The following ARHGAP45 variants were observed in gnomAD, a reference collection of about 807,000 sequenced individuals.
The protein encoded by ARHGAP45 is Rho GTPase activating protein 45, also known as rho GTPase-activating protein 45.
ARHGAP45 carries 56 observed loss-of-function variants against 116.1 expected under a neutral mutation model. The ratio of observed to expected loss-of-function variants is 0.48; its 90% confidence interval spans 0.39 to 0.60. ARHGAP45 has a LOEUF of 0.60. Ranked by LOEUF, ARHGAP45 falls within the 20% of genes least tolerant of loss-of-function variation. ARHGAP45 has a pLI of 0.00. For synonymous variants in ARHGAP45, 866 were observed against 701.7 expected (o/e 1.23, Z -3.70); for missense variants, 1,622 against 1,601.0 (o/e 1.01, Z -0.22).
In ARHGAP45 at chr19:1,081,933, G is replaced by C. The variant is rs1053680066; in HGVS notation, c.2489G>C (p.Ser830Thr). Residue 830 changes from serine to threonine, a missense_variant, in exon 19 of 23, where the codon AGC becomes ACC. Ser to Thr is a moderately conservative substitution (Grantham distance 58, BLOSUM62 1). Transcript: ENST00000313093. ...TCGCAGGCCTCGCCCCACGACATCA[G>C]CAACGTCCTCAAGCTCTACCTGCGT... ...ELSQASPHDISNVLKLYLRQL... is the reference protein window; with the variant it reads ...ELSQASPHDITNVLKLYLRQL... The C allele has an allele frequency of 5.6e-6, 9 of 1,612,364 alleles. No individual in the cohort carries two copies. Among genetic ancestry groups the C allele is most frequent in the African/African-American group, 1.3e-5 (1 of 74,904 alleles).
intron 13 of ARHGAP45, 61 bp downstream of exon 13, chr19:1,080,179 C>T: frequency 7.5e-6 from 12 of 1,610,378 alleles, no homozygotes; most frequent in Non-Finnish European, 1.0e-5. Context: ...GCCGGGCTTC[C>T]CTCTGTCGGG....
In ARHGAP45 at chr19:1,073,553, A is replaced by C; in HGVS notation, c.613A>C (p.Lys205Gln). ...NNDLEKQEFE[K>Q]ALETIAVAFS... ...TGATCTGGAGAAACAGGAGTTCGAGAAGGCCCTGGAGACGATTGCTGTGGC... is the reference window on the plus strand; with the variant it reads ...TGATCTGGAGAAACAGGAGTTCGAGCAGGCCCTGGAGACGATTGCTGTGGC... Residue 205 changes from lysine (K) to glutamine (Q), a missense_variant, in exon 4 of 23, where the codon AAG becomes CAG. By Grantham distance (53) the Lys-to-Gln change is moderately conservative. Around this residue, in one of 3 missense-constraint regions of ARHGAP45, gnomAD observed 279 missense variants for 311.9 expected, o/e 0.89. Transcript: ENST00000313093. 1 of 1,614,018 alleles carries C rather than the reference A, an allele frequency of 6.2e-7. No homozygotes were observed. The highest frequency in any genetic ancestry group is 8.5e-7 in the Non-Finnish European group (1 of 1,179,980).
At chr19:1,083,904 C>T (rs1269656354) in intron 21 of ARHGAP45, among the ~76,000 whole-genome samples, 5 of 152,166 alleles carry the variant, frequency 3.3e-5, no homozygotes, top group Non-Finnish European at 7.3e-5. Context: ...CCACACCCGG[C>T]TAATTTTTGT....
chr19:1,081,559 G>A lies in ARHGAP45; in HGVS notation c.2200G>A (p.Ala734Thr), dbSNP rs895743345. Reference protein sequence around the residue: ...QGAECEECCLACHKKCLETLA... With the variant: ...QGAECEECCLTCHKKCLETLA... ...CTCTGGCCGCCCCCAGTGCTGCCTG[G>A]CCTGCCACAAGAAATGTCTGGAGAC... is the stretch of plus-strand genomic sequence containing the variant. Residue 734 changes from alanine (A) to threonine (T), a missense_variant, in exon 18 of 23, where the codon GCC (alanine) becomes ACC (threonine). Ala to Thr is a moderately conservative substitution (Grantham distance 58). This residue lies in a region of ARHGAP45 where 1,334 missense variants were observed against 1,263.8 expected (regional missense o/e 1.06). Coordinates refer to ENST00000313093, the MANE Select transcript of ARHGAP45 (RefSeq NM_012292.5). The A allele has an allele frequency of 5.4e-6, 8 of 1,475,394 alleles. No individual in the cohort carries two copies. Among genetic ancestry groups the A allele is most frequent in the Non-Finnish European group, 7.2e-6 (8 of 1,110,452 alleles). 91.4% of individuals were successfully genotyped at this position (1,475,394 alleles called of 1,614,324 possible). A position where few individuals can be genotyped will look rare whatever the true frequency, so the allele number is the denominator to read the frequency against.
Position 1,083,190 on chromosome 19 carries a change from G to A in ARHGAP45, c.2792G>A (p.Gly931Asp). The A allele has an allele frequency of 6.2e-7, 1 of 1,611,286 alleles. No homozygotes were observed. Among genetic ancestry groups the A allele is most frequent in the Non-Finnish European group, 8.5e-7 (1 of 1,179,500 alleles). ...AACAAGATGACCCCCGGGAACCTGG[G>A]CATCGTGTTCGGGCCCACGCTGCTT... The part of the protein sequence containing the change: ...QDNKMTPGNL[G>D]IVFGPTLLRP... Residue 931 changes from glycine (G) to aspartate (D), a missense_variant, in exon 21 of 23, where the codon GGC (glycine) becomes GAC (aspartate). Coordinates refer to ENST00000313093, the MANE Select transcript of ARHGAP45 (RefSeq NM_012292.5).
rs957751288 is a variant in ARHGAP45, at chr19:1,079,924, G to A, written c.1513-4G>A. ...ACCCCTCCGCTCTCCGGTGCCGCCC[G>A]CAGGCCACGATCTCCTACTACCAGA... On this transcript the variant is annotated splice_region_variant and splice_polypyrimidine_tract_variant and intron_variant, in intron 12 of 22. Coordinates refer to ENST00000313093, the MANE Select transcript of ARHGAP45 (RefSeq NM_012292.5). The A allele has an allele frequency of 1.0e-5, 16 of 1,603,322 alleles. No homozygotes were observed. Among genetic ancestry groups the A allele is most frequent in the African/African-American group, 4.0e-5 (3 of 74,718 alleles).
In ARHGAP45 at chr19:1,085,992, C is replaced by G. The variant is rs777858522; in HGVS notation, c.3397C>G (p.Pro1133Ala). The G allele has an allele frequency of 1.2e-5, 20 of 1,612,042 alleles. No individual in the cohort carries two copies. Among genetic ancestry groups the G allele is most frequent in the Non-Finnish European group, 1.6e-5 (19 of 1,179,424 alleles). Residue 1133 changes from proline (P) to alanine (A), a missense_variant, in exon 23 of 23, where the codon CCG (proline) becomes GCG (alanine). By Grantham distance (27) the Pro-to-Ala change is conservative (BLOSUM62 -1). Coordinates refer to ENST00000313093, the MANE Select transcript of ARHGAP45 (RefSeq NM_012292.5). ...ACTGGGCTCCTGCAGGGAAAGGCAG[C>G]CGGAATTCGTGTGAGCTGGGGTGGG... The part of the protein sequence containing the change: ...MTLGSCRERQ[P>A]EFV
chr19:1,073,087 G>T, intron 2 of ARHGAP45, 62 bp from the exon 3 acceptor site: 2 of 1,530,142 alleles, frequency 1.3e-6, no homozygotes, highest in Non-Finnish European at 1.7e-6. Flanking sequence ...GAGGGAGGAG[G>T]TGGACAGACT....
At position 1,077,955 on chromosome 19, in the gene ARHGAP45, G is replaced by C. The variant is rs1323321062; in HGVS notation, c.1284G>C (p.Glu428Asp). The C allele has an allele frequency of 6.4e-7, 1 of 1,553,280 alleles. No homozygotes were observed. The highest frequency in any genetic ancestry group is 8.7e-7 in the Non-Finnish European group (1 of 1,147,832). ...KARFLVAKAE[E>D]EQAGSAPGAG... ...GCTTCCTCGTGGCCAAGGCGGAGGAGGAGCAGGCTGGCAGCGCGCCGGGAG... is the reference window on the plus strand; with the variant it reads ...GCTTCCTCGTGGCCAAGGCGGAGGACGAGCAGGCTGGCAGCGCGCCGGGAG... Residue 428 changes from glutamate (E) to aspartate (D), a missense_variant, in exon 11 of 23, where the codon GAG becomes GAC. Physicochemically the swap from Glu to Asp is conservative, Grantham distance 45. Coordinates refer to ENST00000313093, the MANE Select transcript of ARHGAP45 (RefSeq NM_012292.5).
At position 1,079,999 on chromosome 19, in the gene ARHGAP45, T is replaced by C; in HGVS notation, c.1584T>C (p.Cys528=). 1.2e-6 allele frequency: 2 copies of C among 1,612,884 alleles called. No homozygotes were observed. The highest frequency in any genetic ancestry group is 1.7e-6 in the Non-Finnish European group (2 of 1,179,886). Residue 528 remains cysteine, a synonymous_variant, in exon 13 of 23, where the codon TGT becomes TGC. Coordinates refer to ENST00000313093, the MANE Select transcript of ARHGAP45 (RefSeq NM_012292.5). The part of the protein sequence containing the change: ...APLPVHFQML[C]ESSKLYDPGQ... Reference sequence around the variant, plus strand: ...TGCCCGTGCACTTCCAGATGCTGTGTGAGAGCAGCAAGCTGTATGACCCAG... The same window carrying C: ...TGCCCGTGCACTTCCAGATGCTGTGCGAGAGCAGCAAGCTGTATGACCCAG...
chr19:1,078,344 T>C lies in ARHGAP45; in HGVS notation c.1374+299T>C, dbSNP rs548969217. Among the ~76,000 whole-genome samples, 68 of 151,990 alleles carry C rather than the reference T, an allele frequency of 4.5e-4. 1 individual carries two copies. Among genetic ancestry groups the C allele is most frequent in the East Asian group, 1.6e-3 (8 of 5,142 alleles). ...ATTTTTAGTAGAGACGGGGTTTCAC[T>C]GTGTTAGCCAGGATGGTCTCGATCT... On this transcript the variant is annotated intron_variant, in intron 11 of 22. Coordinates refer to ENST00000313093, the MANE Select transcript of ARHGAP45 (RefSeq NM_012292.5).
Position 1,067,346 on chromosome 19 carries a change from G to C in ARHGAP45, c.-60G>C. 1 of 1,482,130 alleles carries C rather than the reference G, an allele frequency of 6.7e-7. No homozygotes were observed. Among genetic ancestry groups the C allele is most frequent in the South Asian group, 1.3e-5 (1 of 74,770 alleles). 91.8% of individuals were successfully genotyped at this position (1,482,130 alleles called of 1,614,324 possible). A position where few individuals can be genotyped will look rare whatever the true frequency, so the allele number is the denominator to read the frequency against. ...ATGTGGTCCCGAAGCGGCCAGCGCCGGGAGCTGCAGCGCTGAGACCCCCAG... is the reference window on the plus strand; with the variant it reads ...ATGTGGTCCCGAAGCGGCCAGCGCCCGGAGCTGCAGCGCTGAGACCCCCAG... On this transcript the variant is annotated 5_prime_UTR_variant, in exon 1 of 23. Transcript: ENST00000313093.
Position 1,082,823 on chromosome 19 carries a change from C to G in ARHGAP45, c.2518-17C>G, listed in dbSNP as rs2145083831. ...GGCCAGGCCCACCAACACCTGCTGACCCTTGACTCTGCGCAGCTTCCCGAG... is the reference window on the plus strand; with the variant it reads ...GGCCAGGCCCACCAACACCTGCTGAGCCTTGACTCTGCGCAGCTTCCCGAG... On this transcript the variant is annotated splice_polypyrimidine_tract_variant and intron_variant, in intron 19 of 22. Coordinates refer to ENST00000313093, the MANE Select transcript of ARHGAP45 (RefSeq NM_012292.5). 2.0e-6 allele frequency: 3 copies of G among 1,478,698 alleles called. No individual in the cohort carries two copies. The South Asian group carries it at 4.2e-5, about 21-fold the overall frequency. 91.6% of individuals were successfully genotyped at this position (1,478,698 alleles called of 1,614,324 possible).
At chr19:1,079,393 G>A (rs1009255711) in intron 11 of ARHGAP45, among the ~76,000 whole-genome samples, 2 of 149,488 alleles carry the variant, frequency 1.3e-5, no homozygotes, top group Non-Finnish European at 3.0e-5. Flanking sequence ...CCTGTAATCC[G>A]TTACTTGGGA....
rs2043386940 is a variant in ARHGAP45 at position 1,080,124 on chromosome 19, G to A, written c.1703+6G>A. 1.9e-6 allele frequency: 3 copies of A among 1,610,886 alleles called. No homozygotes were observed. Among genetic ancestry groups the A allele is most frequent in the Non-Finnish European group, 8.5e-7 (1 of 1,179,002 alleles). On this transcript the variant is annotated splice_donor_region_variant and intron_variant, in intron 13 of 22. Transcript: ENST00000313093. ...CACGTCTCCGCCAACGCCTGGTACC[G>A]CCACCCAGCTGCCCTGTCCCCGGCG...
rs746251617 is a variant in ARHGAP45, at chr19:1,074,174, G to C, written c.861G>C (p.Leu287=). Residue 287 remains leucine, a synonymous_variant, in exon 7 of 23, where the codon CTG becomes CTC. Coordinates refer to ENST00000313093, the MANE Select transcript of ARHGAP45 (RefSeq NM_012292.5). ...RCEGGVDAAL[L]YAKNMAKYMK... ...AGGGGGGCGTGGATGCCGCACTGCT[G>C]TATGCCAAGAACATGGCCAAGTACA... 5.6e-6 allele frequency: 9 copies of C among 1,613,484 alleles called. No homozygotes were observed. The highest frequency in any genetic ancestry group is 7.6e-6 in the Non-Finnish European group (9 of 1,180,008).
intron 2 of ARHGAP45, among the ~76,000 whole-genome samples, chr19:1,070,329 C>CTTTTTTTTTTTTTTTTTTT (rs1172163710): frequency 2.1e-5 from 2 of 93,272 alleles, no homozygotes; most frequent in African/African-American, 9.0e-5. Context: ...CTTTTCTTTT[C>CTTTTTTTTTTTTTTTTTTT]TTTTTTTTTT....
chr19:1,074,599 G>A lies in ARHGAP45; in HGVS notation c.994-15G>A, dbSNP rs747144536. The A allele has an allele frequency of 7.1e-6, 11 of 1,543,422 alleles. No homozygotes were observed. Among genetic ancestry groups the A allele is most frequent in the Non-Finnish European group, 9.6e-6 (11 of 1,142,890 alleles). On this transcript the variant is annotated splice_polypyrimidine_tract_variant and intron_variant, in intron 8 of 22. Transcript: ENST00000313093. ...CCATCCCTCCCCACCCAGTGAGCCGGTGCCCCACCCACAGCCCCACATGCC... is the reference window on the plus strand; with the variant it reads ...CCATCCCTCCCCACCCAGTGAGCCGATGCCCCACCCACAGCCCCACATGCC...
At chr19:1,076,483 CTTT>C (rs71174343) in intron 10 of ARHGAP45, among the ~76,000 whole-genome samples, 835 of 64,562 alleles carry the variant, frequency 0.013, no homozygotes, top group East Asian at 0.076. Flanking sequence ...TGGCAGTAGT[CTTT>C]TTTTTTTTTT....
Sources: allele counts gnomAD v4.1 joint callset (sites outside exome capture counted in the v4.1 genomes callset), GRCh38; gene constraint gnomAD v4.1.1; regional missense constraint gnomAD v4.1.1; transcripts MANE v1.5; gene names NCBI Gene and HGNC (gene_info 2026-07-23, HGNC 2026-07-21).